The following RTL4 variants were observed in gnomAD, a reference collection of about 807,000 sequenced individuals.
The protein encoded by RTL4 is retrotransposon Gag like 4.
In RTL4, 4 loss-of-function variants were observed where a neutral mutation model predicts 5.3. That is an observed-to-expected ratio of 0.75 (90% confidence interval 0.37 to 1.72). RTL4 has a LOEUF of 1.72. Among genes scored for constraint, RTL4 ranks in the 40% most tolerant of loss-of-function variants. RTL4 has a pLI of 0.04. For missense variants in RTL4, 260 were observed against 227.1 expected, an observed-to-expected ratio of 1.14 and a Z score of -0.93; for synonymous variants, 98 against 87.3, an observed-to-expected ratio of 1.12 and a Z score of -0.68.
the RTL4 span, among the ~76,000 whole-genome samples, chrX:112,202,624 G>A: frequency 4.7e-5 from 5 of 107,358 alleles, no homozygotes; most frequent in East Asian, 2.9e-4. Flanking sequence ...GAAGTGGCGC[G>A]ATCTCAGCTC....
chrX:112,133,467 T>C, the RTL4 span, among the ~76,000 whole-genome samples: 1 of 112,058 alleles, frequency 8.9e-6, no homozygotes, highest in Non-Finnish European at 1.9e-5. Context: ...CAAAAGGCGA[T>C]GAAGCGATGG....
chrX:112,446,564 T>C, the RTL4 span, among the ~76,000 whole-genome samples: 1 of 112,303 alleles, frequency 8.9e-6, no homozygotes, highest in African/African-American at 3.2e-5. Context: ...CATCAAGGAA[T>C]AGGCCGGGCT....
At chrX:112,112,168 G>T in the RTL4 span, among the ~76,000 whole-genome samples, 2 of 112,331 alleles carry the variant, frequency 1.8e-5, no homozygotes, top group South Asian at 3.7e-4. Flanking sequence ...ACTTAGGTAT[G>T]CCACTGGTTG....
chrX:112,390,106 A>ATAATAT, the RTL4 span, among the ~76,000 whole-genome samples: 3 of 17,387 alleles, frequency 1.7e-4, no homozygotes, highest in African/African-American at 6.5e-4. Flanking sequence ...ATTTATATAT[A>ATAATAT]ATATATATAT....
At chrX:112,453,890 G>C (rs1926785391), upstream of RTL4, among the ~76,000 whole-genome samples, 1 of 111,446 alleles carries the variant, frequency 9.0e-6, no homozygotes, top group African/African-American at 3.3e-5. Context: ...TGTCCAAGCA[G>C]TATATGCAAA....
the RTL4 span, among the ~76,000 whole-genome samples, chrX:112,242,934 A>G: frequency 1.8e-5 from 2 of 111,700 alleles, no homozygotes; most frequent in African/African-American, 6.5e-5. Flanking sequence ...CCTTTTCTGC[A>G]TCTATTGAGA....
chrX:112,313,439 T>G, the RTL4 span, among the ~76,000 whole-genome samples: 545 of 111,301 alleles, frequency 4.9e-3, 2 homozygotes, highest in African/African-American at 0.017. Context: ...CACAACACCC[T>G]GCACAGTGGG....
chrX:112,174,465 T>C, the RTL4 span, among the ~76,000 whole-genome samples: 1 of 105,242 alleles, frequency 9.5e-6, no homozygotes, highest in Non-Finnish European at 1.9e-5. Context: ...CCACATTTTC[T>C]TAATCCAGTC....
At chrX:112,225,792 G>T in the RTL4 span, among the ~76,000 whole-genome samples, 13 of 112,167 alleles carry the variant, frequency 1.2e-4, no homozygotes, top group Admixed American at 1.9e-4. Context: ...GCCCCAAAAA[G>T]CTTTGTGAAT....
chrX:112,310,062 C>A, the RTL4 span, among the ~76,000 whole-genome samples: 1 of 104,533 alleles, frequency 9.6e-6, no homozygotes, highest in African/African-American at 3.5e-5. Flanking sequence ...CTTAAAAAAA[C>A]AGATACATGA....
At chrX:112,448,769 A>T in the RTL4 span, among the ~76,000 whole-genome samples, 1 of 111,816 alleles carries the variant, frequency 8.9e-6, no homozygotes, top group African/African-American at 3.2e-5. Context: ...AGTTATTTAC[A>T]TACCAAGCTT....
chrX:112,319,774 A>G, the RTL4 span, among the ~76,000 whole-genome samples: 2 of 111,383 alleles, frequency 1.8e-5, no homozygotes, highest in East Asian at 2.8e-4. Flanking sequence ...CTTTCACTCA[A>G]TGTTTTTGAA....
chrX:112,415,568 T>G, the RTL4 span, among the ~76,000 whole-genome samples: 1 of 111,490 alleles, frequency 9.0e-6, no homozygotes, highest in Non-Finnish European at 1.9e-5. Flanking sequence ...CGTTAGAAAT[T>G]ACTATTGTGT....
the RTL4 span, among the ~76,000 whole-genome samples, chrX:112,273,692 G>A: frequency 2.3e-4 from 26 of 111,741 alleles, no homozygotes; most frequent in Admixed American, 1.9e-4. Context: ...GTAGCAGAGT[G>A]GGGTGGTTAA....
At chrX:112,131,549 C>G in the RTL4 span, among the ~76,000 whole-genome samples, 1 of 111,811 alleles carries the variant, frequency 8.9e-6, no homozygotes, top group Non-Finnish European at 1.9e-5. Flanking sequence ...AGATGCAGGA[C>G]TTCAATAATG....
At chrX:112,128,065 A>G in the RTL4 span, among the ~76,000 whole-genome samples, 2 of 111,752 alleles carry the variant, frequency 1.8e-5, no homozygotes, top group African/African-American at 6.5e-5. Context: ...GGAAAAGCTG[A>G]CCTACAAATG....
chrX:112,379,602 G>A, the RTL4 span, among the ~76,000 whole-genome samples: 3 of 111,582 alleles, frequency 2.7e-5, no homozygotes, highest in East Asian at 5.6e-4. Flanking sequence ...CATCTCAGAA[G>A]GAAATTTATA....
the RTL4 span, among the ~76,000 whole-genome samples, chrX:112,112,652 G>A: frequency 9.0e-6 from 1 of 111,723 alleles, no homozygotes; most frequent in South Asian, 3.8e-4. Context: ...GCCAGCATAA[G>A]GCTTCCAAAC....
the RTL4 span, among the ~76,000 whole-genome samples, chrX:112,270,605 T>G: frequency 9.0e-6 from 1 of 111,449 alleles, no homozygotes; most frequent in East Asian, 2.9e-4. Flanking sequence ...TAGCCTATTA[T>G]TTCATTCTCT....
Sources: allele counts gnomAD v4.1 joint callset (sites outside exome capture counted in the v4.1 genomes callset), GRCh38; gene constraint gnomAD v4.1.1; transcripts MANE v1.5; gene names NCBI Gene and HGNC (gene_info 2026-07-23, HGNC 2026-07-21).